CD3D: variants seen among roughly 807,000 people sequenced by gnomAD.
CD3D encodes T-cell surface glycoprotein CD3 delta chain.
Under a neutral mutation model 22.0 loss-of-function variants are expected in CD3D, and 22 were observed. That is an observed-to-expected ratio of 1.00 (90% confidence interval 0.71 to 1.43). CD3D has a LOEUF of 1.43. CD3D is among the 40% of genes most tolerant of loss of function. The pLI is 0.00. For synonymous variants in CD3D, 74 were observed against 81.2 expected, an observed-to-expected ratio of 0.91 and a Z score of 0.48; for missense variants, 205 against 211.7, an observed-to-expected ratio of 0.97 and a Z score of 0.20.
In CD3D at chr11:118,340,610, A is replaced by G. The variant is rs202077439; in HGVS notation, c.56-17T>C. ...AGGGGCTCACTAAAGGGGAAAAAATATCACAGTTGGAGACAGCTCTTTGAT... is the reference window on the plus strand; with the variant it reads ...AGGGGCTCACTAAAGGGGAAAAAATGTCACAGTTGGAGACAGCTCTTTGAT... On this transcript the variant is annotated splice_polypyrimidine_tract_variant and intron_variant, in intron 1 of 4. Coordinates refer to ENST00000300692, the MANE Select transcript of CD3D (RefSeq NM_000732.6). 8.9e-5 allele frequency: 140 copies of G among 1,567,066 alleles called. No homozygotes were observed. In the African/African-American group the frequency reaches 1.7e-3, roughly 19 times the overall value.
Position 118,342,555 on chromosome 11 carries a change from T to C in CD3D, c.53A>G (p.Gln18Arg). 6.2e-7 allele frequency: 1 copy of C among 1,613,540 alleles called. No individual in the cohort carries two copies. Among genetic ancestry groups the C allele is most frequent in the Non-Finnish European group, 8.5e-7 (1 of 1,179,622 alleles). Residue 18 changes from glutamine (Q) to arginine (R), a missense_variant and splice_region_variant, in exon 1 of 5, where the codon CAA (glutamine) becomes CGA (arginine). Physicochemically the swap from Gln to Arg is conservative, Grantham distance 43. Coordinates refer to ENST00000300692, the MANE Select transcript of CD3D (RefSeq NM_000732.6). ...SGLVLATLLS[Q>R]VSPFKIPIEE... ...CCACCCACCTGGAGTAGCCTTACCT[T>C]GCGAGAGAAGGGTAGCCAGTACCAG...
rs1475838595 is a variant in CD3D at position 118,339,157 on chromosome 11, C to T, written c.*5G>A. 6.2e-7 allele frequency: 1 copy of T among 1,613,200 alleles called. No homozygotes were observed. Among genetic ancestry groups the T allele is most frequent in the East Asian group, 2.2e-5 (1 of 44,884 alleles). On this transcript the variant is annotated 3_prime_UTR_variant, in exon 5 of 5. Coordinates refer to ENST00000300692, the MANE Select transcript of CD3D (RefSeq NM_000732.6). ...GGCTGCTTCTAGAAGCCACCAGTCT[C>T]AGGTTCACTTGTTCCGAGCCCAGTT...
chr11:118,340,829 G>A (rs755381445), intron 1 of CD3D: 14 of 661,846 alleles, frequency 2.1e-5, no homozygotes, highest in South Asian at 2.1e-4. Context: ...TGGGGCCTTG[G>A]TGCAAAAGAG....
chr11:118,339,539 T>A (rs2134058928), intron 3 of CD3D, 45 bp from the exon 4 acceptor site: 1 of 1,609,678 alleles, frequency 6.2e-7, no homozygotes, highest in Non-Finnish European at 8.5e-7. Flanking sequence ...CAGATGGGAC[T>A]GTGAGATCCA....
intron 1 of CD3D, among the ~76,000 whole-genome samples, chr11:118,342,345 G>A (rs1414321516): frequency 6.6e-6 from 1 of 151,958 alleles, no homozygotes; most frequent in African/African-American, 2.4e-5. Flanking sequence ...TAATTCTTTT[G>A]TTTTTTGTAA....
intron 4 of CD3D, 89 bp downstream of exon 4, chr11:118,339,362 C>A: frequency 6.5e-7 from 1 of 1,526,758 alleles, no homozygotes; most frequent in South Asian, 1.1e-5. Context: ...CCAGTAGGAC[C>A]CTTCCCACGT....
chr11:118,339,971 C>T, intron 2 of CD3D, 65 bp from the exon 3 acceptor site: 1 of 1,597,678 alleles, frequency 6.3e-7, no homozygotes. Context: ...CATCCTCTGC[C>T]TCCTAGGGCA....
rs570295947 is a variant in CD3D at position 118,341,612 on chromosome 11, C to T, written c.55+941G>A. Among the ~76,000 whole-genome samples the T allele has an allele frequency of 5.9e-5, 9 of 152,298 alleles. No individual in the cohort carries two copies. The South Asian group carries it at 1.5e-3, about 25-fold the overall frequency. On this transcript the variant is annotated intron_variant, in intron 1 of 4. Coordinates refer to ENST00000300692, the MANE Select transcript of CD3D (RefSeq NM_000732.6). ...TCAAATGCTTCACGTCCTACAGTCG[C>T]GTCCTCTTCAGGGATCTGTCTCCAG...
chr11:118,341,556 A>G (rs530435545), intron 1 of CD3D, among the ~76,000 whole-genome samples: 2 of 152,330 alleles, frequency 1.3e-5, no homozygotes, highest in South Asian at 2.1e-4. Context: ...TTGGAAGTAT[A>G]TGCATGTATC....
rs138416327 is a variant in CD3D at position 118,342,548 on chromosome 11, C to T, written c.55+5G>A. ...CCTTCCCCCACCCACCTGGAGTAGC[C>T]TTACCTTGCGAGAGAAGGGTAGCCA... On this transcript the variant is annotated splice_donor_5th_base_variant and intron_variant, in intron 1 of 4. Transcript: ENST00000300692. The T allele has an allele frequency of 2.5e-5, 40 of 1,613,442 alleles. No homozygotes were observed. The African/African-American group carries it at 3.9e-4, about 16-fold the overall frequency.
rs1224759102 is a variant in CD3D at position 118,340,487 on chromosome 11, G to A, written c.162C>T (p.Asp54=). Residue 54 remains aspartate, a synonymous_variant, in exon 2 of 5, where the codon GAC becomes GAT. Coordinates refer to ENST00000300692, the MANE Select transcript of CD3D (RefSeq NM_000732.6). The part of the protein sequence containing the change: ...VEGTVGTLLS[D]ITRLDLGKRI... ...GTTTTCCCAGGTCCAGTCTTGTAATGTCTGAGAGCAGTGTTCCCACCGTTC... is the reference window on the plus strand; with the variant it reads ...GTTTTCCCAGGTCCAGTCTTGTAATATCTGAGAGCAGTGTTCCCACCGTTC... The A allele has an allele frequency of 2.5e-6, 4 of 1,613,908 alleles. No homozygotes were observed. The highest frequency in any genetic ancestry group is 3.3e-5 in the Admixed American group (2 of 60,012).
Position 118,339,886 on chromosome 11 carries a change from G to C in CD3D, c.295C>G (p.Leu99Val). The C allele has an allele frequency of 6.2e-7, 1 of 1,614,048 alleles. No individual in the cohort carries two copies. The highest frequency in any genetic ancestry group is 8.5e-7 in the Non-Finnish European group (1 of 1,179,990). ...HYRMCQSCVE[L>V]DPATVAGIIV... is the part of the protein sequence containing the mutation. ...ATGCCAGCCACGGTGGCTGGATCCA[G>C]CTCCACACAGCTCTGGCACACTGTG... The change falls in exon 3 of 5, where the codon CTG becomes GTG. Residue 99 changes from leucine to valine, a missense_variant. Leu to Val is a conservative substitution (Grantham distance 32). Transcript: ENST00000300692.
rs199654573 is a variant in CD3D at position 118,342,699 on chromosome 11, C to T, written c.-92G>A. Reference sequence around the variant, plus strand: ...CCTCCCCTAGCTGACTCACAGGTACCGGAAAGAGGAGAGTGGGGGAGGAAC... The same window carrying T: ...CCTCCCCTAGCTGACTCACAGGTACTGGAAAGAGGAGAGTGGGGGAGGAAC... On this transcript the variant is annotated 5_prime_UTR_variant, in exon 1 of 5. Transcript: ENST00000300692. 8.5e-6 allele frequency: 9 copies of T among 1,055,764 alleles called. No homozygotes were observed. Among genetic ancestry groups the T allele is most frequent in the Admixed American group, 1.7e-5 (1 of 57,654 alleles). 65.4% of individuals were successfully genotyped at this position (1,055,764 alleles called of 1,614,324 possible).
intron 1 of CD3D, 97 bp from the exon 2 acceptor site, chr11:118,340,690 T>C (rs906744452): frequency 1.1e-6 from 1 of 872,446 alleles, no homozygotes; most frequent in African/African-American, 1.7e-5. Flanking sequence ...ACCATTTTCC[T>C]GGTCCAGGAC....
intron 1 of CD3D, 82 bp downstream of exon 1, chr11:118,342,471 A>C (rs1339097481): frequency 5.4e-6 from 7 of 1,304,750 alleles, no homozygotes; most frequent in Non-Finnish European, 4.4e-6. Flanking sequence ...GTGCCTGGCA[A>C]GAAACACTTT....
At position 118,340,436 on chromosome 11, in the gene CD3D, A is replaced by G. The variant is rs1948289381; in HGVS notation, c.213T>C (p.Tyr71=). The G allele has an allele frequency of 6.2e-7, 1 of 1,614,020 alleles. No homozygotes were observed. Among genetic ancestry groups the G allele is most frequent in the African/African-American group, 1.3e-5 (1 of 74,960 alleles). ...GKRILDPRGI[Y]RCNGTDIYKD... is the part of the protein sequence containing the mutation. ...TGTATATATCTGTCCCATTACACCT[A>G]TATATTCCTCGTGGGTCCAGGATGC... is the stretch of plus-strand genomic sequence containing the variant. Residue 71 remains tyrosine (Y), a synonymous_variant, in exon 2 of 5, where the codon TAT becomes TAC. Coordinates refer to ENST00000300692, the MANE Select transcript of CD3D (RefSeq NM_000732.6).
intron 3 of CD3D, 95 bp from the exon 4 acceptor site, chr11:118,339,589 C>T: frequency 1.3e-6 from 2 of 1,571,518 alleles, no homozygotes; most frequent in Non-Finnish European, 1.8e-6. Flanking sequence ...GTGATATGAA[C>T]ACACAAGTTC....
At chr11:118,342,405 A>T in intron 1 of CD3D, 148 bp downstream of exon 1, 1 of 715,362 alleles carries the variant, frequency 1.4e-6, no homozygotes, top group Non-Finnish European at 2.6e-6. Flanking sequence ...TCCTGGCCTC[A>T]AAGGATCCTC....
chr11:118,340,684 T>A, intron 1 of CD3D, 91 bp from the exon 2 acceptor site: 1 of 903,660 alleles, frequency 1.1e-6, no homozygotes, highest in Non-Finnish European at 1.8e-6. Context: ...ACAGAGACCA[T>A]TTTCCTGGTC....
Sources: allele counts gnomAD v4.1 joint callset (sites outside exome capture counted in the v4.1 genomes callset), GRCh38; gene constraint gnomAD v4.1.1; transcripts MANE v1.5; gene names NCBI Gene and HGNC (gene_info 2026-07-23, HGNC 2026-07-21).